TMEM81: variants seen among roughly 807,000 people sequenced by gnomAD.
TMEM81 encodes the protein transmembrane protein 81.
For missense variants in TMEM81, 294 were observed against 300.5 expected (o/e 0.98, Z 0.16); for synonymous variants, 132 against 119.1 (o/e 1.11, Z -0.71).
chr1:205,083,705 C>A lies in TMEM81; in HGVS notation c.616G>T (p.Glu206Ter). The change falls in exon 1 of 1, where the codon GAA becomes TAA. Residue 206 changes from glutamate to a stop codon, truncating the protein, a stop_gained. Coordinates refer to ENST00000367167, the MANE Select transcript of TMEM81 (RefSeq NM_203376.2). LOFTEE classifies it low-confidence loss of function (END_TRUNC). ...TTGGAGTAGCTGTCCAGATTAACTTCCAATCCCTCATCTATTAACTTCTGA... is the reference window on the plus strand; with the variant it reads ...TTGGAGTAGCTGTCCAGATTAACTTACAATCCCTCATCTATTAACTTCTGA... ...EDQKLIDEGL[E>*]VNLDSYSKPH... The A allele has an allele frequency of 6.2e-7, 1 of 1,614,196 alleles. No individual in the cohort carries two copies. Among genetic ancestry groups the A allele is most frequent in the Non-Finnish European group, 8.5e-7 (1 of 1,180,038 alleles).
Position 205,084,106 on chromosome 1 carries a change from C to T in TMEM81, c.215G>A (p.Arg72Lys). Reference sequence around the variant, plus strand: ...TTCTAAGCGCCGAGTCTGACATTTCCTTCTCACTCCATCAGGGCCCACCTC... The same window carrying T: ...TTCTAAGCGCCGAGTCTGACATTTCTTTCTCACTCCATCAGGGCCCACCTC... ...VCEVGPDGVR[R>K]KCQTRRLECL... is the part of the protein sequence containing the mutation. The change falls in exon 1 of 1, where the codon AGG becomes AAG. Residue 72 changes from arginine (R) to lysine (K), a missense_variant. Physicochemically the swap from Arg to Lys is conservative, Grantham distance 26 (BLOSUM62 2). Transcript: ENST00000367167. 1 of 1,614,190 alleles carries T rather than the reference C, an allele frequency of 6.2e-7. No individual in the cohort carries two copies. The highest frequency in any genetic ancestry group is 8.5e-7 in the Non-Finnish European group (1 of 1,180,042).
In TMEM81 at chr1:205,084,265, A is replaced by C; in HGVS notation, c.56T>G (p.Leu19Arg). ...VLGSLGLAFY[L>R]PLVVTTPKTL... ...TTTAGGTGTAGTCACCACCAAAGGCAGGTAGAAGGCCAACCCCAGGCTCCC... is the reference window on the plus strand; with the variant it reads ...TTTAGGTGTAGTCACCACCAAAGGCCGGTAGAAGGCCAACCCCAGGCTCCC... The change falls in exon 1 of 1, where the codon CTG becomes CGG. Residue 19 changes from leucine (L) to arginine (R), a missense_variant. Transcript: ENST00000367167. 1.9e-6 allele frequency: 3 copies of C among 1,614,028 alleles called. No homozygotes were observed. Among genetic ancestry groups the C allele is most frequent in the Non-Finnish European group, 2.5e-6 (3 of 1,180,018 alleles).
Position 205,084,233 on chromosome 1 carries a change from C to G in TMEM81, c.88G>C (p.Ala30Pro), listed in dbSNP as rs751801875. The change falls in exon 1 of 1, where the codon GCC becomes CCC. Residue 30 changes from alanine to proline, a missense_variant. Physicochemically the swap from Ala to Pro is conservative, Grantham distance 27. Transcript: ENST00000367167. ...GCTTCTTGCAGCTTCTCAGGGATGG[C>G]CAGTGTTTTAGGTGTAGTCACCACC... ...PLVVTTPKTL[A>P]IPEKLQEAVG... 4 of 1,613,932 alleles carry G rather than the reference C, an allele frequency of 2.5e-6. No homozygotes were observed. In the Admixed American group the frequency reaches 5.0e-5, roughly 20 times the overall value.
chr1:205,083,626 A>G lies in TMEM81; in HGVS notation c.695T>C (p.Ile232Thr). Residue 232 changes from isoleucine (I) to threonine (T), a missense_variant, in exon 1 of 1, where the codon ATT becomes ACT. Physicochemically the swap from Ile to Thr is moderately conservative, Grantham distance 89. Transcript: ENST00000367167. ...CACGCCACCAACCACTCCAATGGCAATTCCTATTCCCAAGGCTGACGCCAC... is the reference window on the plus strand; with the variant it reads ...CACGCCACCAACCACTCCAATGGCAGTTCCTATTCCCAAGGCTGACGCCAC... The part of the protein sequence containing the change: ...KKVASALGIG[I>T]AIGVVGGVLV... The G allele has an allele frequency of 6.2e-7, 1 of 1,614,192 alleles. No homozygotes were observed. The highest frequency in any genetic ancestry group is 8.5e-7 in the Non-Finnish European group (1 of 1,180,036).
In TMEM81 at chr1:205,083,467, G is replaced by A; in HGVS notation, c.*86C>T. On this transcript the variant is annotated 3_prime_UTR_variant, in exon 1 of 1. Transcript: ENST00000367167. The stretch of plus-strand genomic sequence containing the variant: ...TTCCCTCTAAGCTGATCCACTACCA[G>A]CAGCTGGAACACTCCCCTAAAAAGC... 6.9e-7 allele frequency: 1 copy of A among 1,442,718 alleles called. No individual in the cohort carries two copies. The highest frequency in any genetic ancestry group is 1.4e-5 in the South Asian group (1 of 73,362). The allele number at this position is 1,442,718 out of a possible 1,614,324, so 89.4% of individuals were successfully genotyped here.
rs1480181058 is a variant in TMEM81 at position 205,083,721 on chromosome 1, TA to T, written c.599del (p.Leu200Ter). 4 of 1,614,240 alleles carry T rather than the reference TA, an allele frequency of 2.5e-6. No homozygotes were observed. Among genetic ancestry groups the T allele is most frequent in the Non-Finnish European group, 3.4e-6 (4 of 1,180,050 alleles). On this transcript the variant is annotated frameshift_variant, in exon 1 of 1. Transcript: ENST00000367167. LOFTEE classifies it low-confidence loss of function (END_TRUNC). ...GATTAACTTCCAATCCCTCATCTAT[TA>T]ACTTCTGATCCTCAGTAAGTGACTG... ...FHQSLTEDQK[L>X]IDEGLEVNLD...
rs1233251959 is a variant in TMEM81 at position 205,083,917 on chromosome 1, A to ATTC, written c.403_404insGAA (p.Phe135delinsTer). ...GTGGGAGTTGGCTTGAAAGGGTTTG[A>ATTC]AGACCTCATCGTCAGTGGAGATGAC... is the stretch of plus-strand genomic sequence containing the variant. On this transcript the variant is annotated stop_gained, in exon 1 of 1. Coordinates refer to ENST00000367167, the MANE Select transcript of TMEM81 (RefSeq NM_203376.2). LOFTEE classifies it low-confidence loss of function (END_TRUNC). The ATTC allele has an allele frequency of 5.6e-6, 9 of 1,614,194 alleles. No individual in the cohort carries two copies. Among genetic ancestry groups the ATTC allele is most frequent in the Non-Finnish European group, 7.6e-6 (9 of 1,180,044 alleles).
In TMEM81 at chr1:205,084,193, A is replaced by G. The variant is rs773188618; in HGVS notation, c.128T>C (p.Ile43Thr). The change falls in exon 1 of 1, where the codon ATC becomes ACC. Residue 43 changes from isoleucine (I) to threonine (T), a missense_variant. By Grantham distance (89) the Ile-to-Thr change is moderately conservative. Transcript: ENST00000367167. ...EKLQEAVGKVIINATTCTVTC... is the reference protein window; with the variant it reads ...EKLQEAVGKVTINATTCTVTC... ...GACAGTACAGGTTGTGGCATTGATG[A>G]TAACTTTCCCCACAGCTTCTTGCAG... 8 of 1,614,200 alleles carry G rather than the reference A, an allele frequency of 5.0e-6. No homozygotes were observed. Among genetic ancestry groups the G allele is most frequent in the Non-Finnish European group, 5.9e-6 (7 of 1,180,040 alleles).
In TMEM81 at chr1:205,083,882, A is replaced by C. The variant is rs759235709; in HGVS notation, c.439T>G (p.Phe147Val). The C allele has an allele frequency of 3.1e-6, 5 of 1,614,098 alleles. No individual in the cohort carries two copies. The highest frequency in any genetic ancestry group is 4.2e-6 in the Non-Finnish European group (5 of 1,180,048). Residue 147 changes from phenylalanine (F) to valine (V), a missense_variant, in exon 1 of 1, where the codon TTT (phenylalanine) becomes GTT (valine). Phe to Val is a conservative substitution (Grantham distance 50, BLOSUM62 -1). Coordinates refer to ENST00000367167, the MANE Select transcript of TMEM81 (RefSeq NM_203376.2). ...PFQANSHFVK[F>V]KYAQEYDSGT... ...GAGTCATACTCCTGAGCATATTTAA[A>C]CTTCACAAAGTGGGAGTTGGCTTGA... is the stretch of plus-strand genomic sequence containing the variant.
chr1:205,083,638 A>G lies in TMEM81; in HGVS notation c.683T>C (p.Leu228Ser). 6.2e-7 allele frequency: 1 copy of G among 1,614,202 alleles called. No homozygotes were observed. Among genetic ancestry groups the G allele is most frequent in the African/African-American group, 1.3e-5 (1 of 75,050 alleles). ...PKWKKKVASA[L>S]GIGIAIGVVG... Reference sequence around the variant, plus strand: ...CACTCCAATGGCAATTCCTATTCCCAAGGCTGACGCCACCTTCTTTTTCCA... The same window carrying G: ...CACTCCAATGGCAATTCCTATTCCCGAGGCTGACGCCACCTTCTTTTTCCA... The change falls in exon 1 of 1, where the codon TTG (leucine) becomes TCG (serine). Residue 228 changes from leucine to serine, a missense_variant. Transcript: ENST00000367167.
rs192900771 is a variant in TMEM81 at position 205,083,333 on chromosome 1, G to A, written c.*220C>T. The A allele has an allele frequency of 7.8e-6, 4 of 514,504 alleles. No homozygotes were observed. Among genetic ancestry groups the A allele is most frequent in the African/African-American group, 5.7e-5 (3 of 52,400 alleles). 31.9% of individuals were successfully genotyped at this position (514,504 alleles called of 1,614,324 possible). A position where few individuals can be genotyped will look rare whatever the true frequency, so the allele number is the denominator to read the frequency against. ...GTTTCCTGGGTACCCAATGGGCAGG[G>A]AAGATCAGGAAGAGATCCATGGGAC... On this transcript the variant is annotated 3_prime_UTR_variant, in exon 1 of 1. Transcript: ENST00000367167.
rs1328298347 is a variant in TMEM81 at position 205,084,160 on chromosome 1, C to A, written c.161G>T (p.Gly54Val). 7 of 1,614,088 alleles carry A rather than the reference C, an allele frequency of 4.3e-6. No individual in the cohort carries two copies. The highest frequency in any genetic ancestry group is 5.9e-6 in the Non-Finnish European group (7 of 1,180,052). The part of the protein sequence containing the change: ...INATTCTVTC[G>V]LGYKEETVCE... ...GACGGTCTCCTCCTTATAGCCAAGG[C>A]CACAGGTGACAGTACAGGTTGTGGC... The change falls in exon 1 of 1, where the codon GGC becomes GTC. Residue 54 changes from glycine to valine, a missense_variant. Transcript: ENST00000367167.
rs895048437 is a variant in TMEM81, at chr1:205,084,138, G to A, written c.183C>T (p.Thr61=). 7 of 1,613,974 alleles carry A rather than the reference G, an allele frequency of 4.3e-6. No homozygotes were observed. The highest frequency in any genetic ancestry group is 5.1e-6 in the Non-Finnish European group (6 of 1,180,034). The change falls in exon 1 of 1, where the codon ACC becomes ACT. Residue 61 remains threonine, a synonymous_variant. Transcript: ENST00000367167. ...CTCCATCAGGGCCCACCTCACAGACGGTCTCCTCCTTATAGCCAAGGCCAC... is the reference window on the plus strand; with the variant it reads ...CTCCATCAGGGCCCACCTCACAGACAGTCTCCTCCTTATAGCCAAGGCCAC... ...VTCGLGYKEE[T]VCEVGPDGVR... is the part of the protein sequence containing the mutation.
chr1:205,084,327 G>T lies in TMEM81; in HGVS notation c.-7C>A, dbSNP rs1367266991. 6.2e-7 allele frequency: 1 copy of T among 1,608,144 alleles called. No homozygotes were observed. The highest frequency in any genetic ancestry group is 1.1e-5 in the South Asian group (1 of 90,602). ...TAGTGGCTAAAACCTTCATGTCTCG[G>T]TAGGCGTTTTGCCACCCTCAGCCAG... On this transcript the variant is annotated 5_prime_UTR_variant, in exon 1 of 1. Coordinates refer to ENST00000367167, the MANE Select transcript of TMEM81 (RefSeq NM_203376.2).
At position 205,083,655 on chromosome 1, in the gene TMEM81, C is replaced by T. The variant is rs748089647; in HGVS notation, c.666G>A (p.Lys222=). Reference sequence around the variant, plus strand: ...CTATTCCCAAGGCTGACGCCACCTTCTTTTTCCACTTTGGGTGGTGAGGCT... The same window carrying T: ...CTATTCCCAAGGCTGACGCCACCTTTTTTTTCCACTTTGGGTGGTGAGGCT... The part of the protein sequence containing the change: ...YSKPHHPKWK[K]KVASALGIGI... Residue 222 remains lysine (K), a synonymous_variant, in exon 1 of 1, where the codon AAG becomes AAA. Coordinates refer to ENST00000367167, the MANE Select transcript of TMEM81 (RefSeq NM_203376.2). The T allele has an allele frequency of 1.8e-5, 29 of 1,614,104 alleles. No individual in the cohort carries two copies. Among genetic ancestry groups the T allele is most frequent in the Middle Eastern group, 1.6e-4 (1 of 6,084 alleles).
chr1:205,083,472 TG>T lies in TMEM81; in HGVS notation c.*80del, dbSNP rs1370070023. The T allele has an allele frequency of 2.0e-6, 3 of 1,477,694 alleles. No homozygotes were observed. The highest frequency in any genetic ancestry group is 2.7e-5 in the South Asian group (2 of 74,710). 91.5% of individuals were successfully genotyped at this position (1,477,694 alleles called of 1,614,324 possible). A position where few individuals can be genotyped will look rare whatever the true frequency, so the allele number is the denominator to read the frequency against. ...TCTAAGCTGATCCACTACCAGCAGC[TG>T]GAACACTCCCCTAAAAAGCTAGCTT... On this transcript the variant is annotated 3_prime_UTR_variant, in exon 1 of 1. Transcript: ENST00000367167.
Position 205,083,592 on chromosome 1 carries a change from C to A in TMEM81, c.729G>T (p.Arg243Ser), listed in dbSNP as rs1287078587. ...AIGVVGGVLV[R>S]IVLCALRGGL... is the part of the protein sequence containing the mutation. ...CCCCCCTTAGCGCACAGAGGACAAT[C>A]CTCACCAACACGCCACCAACCACTC... The change falls in exon 1 of 1, where the codon AGG (arginine) becomes AGT (serine). Residue 243 changes from arginine (R) to serine (S), a missense_variant. By Grantham distance (110) the Arg-to-Ser change is moderately radical. Transcript: ENST00000367167. 6.2e-7 allele frequency: 1 copy of A among 1,613,918 alleles called. No homozygotes were observed. The highest frequency in any genetic ancestry group is 8.5e-7 in the Non-Finnish European group (1 of 1,179,904).
In TMEM81 at chr1:205,084,081, T is replaced by C. The variant is rs767451741; in HGVS notation, c.240A>G (p.Glu80=). 2.0e-5 allele frequency: 32 copies of C among 1,614,050 alleles called. No individual in the cohort carries two copies. Among genetic ancestry groups the C allele is most frequent in the Non-Finnish European group, 2.6e-5 (31 of 1,180,034 alleles). Reference sequence around the variant, plus strand: ...TCCCACAGATCCAGTTGGTCAGACATTCTAAGCGCCGAGTCTGACATTTCC... The same window carrying C: ...TCCCACAGATCCAGTTGGTCAGACACTCTAAGCGCCGAGTCTGACATTTCC... ...VRRKCQTRRL[E]CLTNWICGML... The change falls in exon 1 of 1, where the codon GAA becomes GAG. Residue 80 remains glutamate (E), a synonymous_variant. Coordinates refer to ENST00000367167, the MANE Select transcript of TMEM81 (RefSeq NM_203376.2).
In TMEM81 at chr1:205,083,565, G is replaced by A; in HGVS notation, c.756C>T (p.Gly252=). ...VRIVLCALRG[G]LQQ The stretch of plus-strand genomic sequence containing the variant: ...GTTCTTGAAGCTGTCACTGCTGCAG[G>A]CCCCCCCTTAGCGCACAGAGGACAA... The change falls in exon 1 of 1, where the codon GGC becomes GGT. Residue 252 remains glycine (G), a synonymous_variant. Transcript: ENST00000367167. 1 of 1,603,792 alleles carries A rather than the reference G, an allele frequency of 6.2e-7. No homozygotes were observed. Among genetic ancestry groups the A allele is most frequent in the Non-Finnish European group, 8.5e-7 (1 of 1,172,970 alleles).
Sources: allele counts gnomAD v4.1 joint callset, GRCh38; gene constraint gnomAD v4.1.1; transcripts MANE v1.5; gene names NCBI Gene and HGNC (gene_info 2026-07-23, HGNC 2026-07-21).